NOL10: variants seen among roughly 807,000 people sequenced by gnomAD.
The protein encoded by NOL10 is H_NH0074G24.1.
In NOL10, 58 loss-of-function variants were observed where a neutral mutation model predicts 103.5. The ratio of observed to expected loss-of-function variants is 0.56; its 90% CI spans 0.45 to 0.70. The LOEUF is 0.70. Ranked by LOEUF, NOL10 falls within the 30% of genes least tolerant of loss-of-function variation. The pLI is 0.00. For synonymous variants in NOL10, 287 were observed against 282.5 expected (o/e 1.02, Z -0.16); for missense variants, 763 against 807.3 (o/e 0.95, Z 0.67).
At chr2:10,607,399 T>C (rs1676316237) in intron 13 of NOL10, 88 bp from the exon 14 acceptor site, 7 of 1,396,374 alleles carry the variant, frequency 5.0e-6, no homozygotes, top group Non-Finnish European at 4.8e-6. Context: ...TTGTTAAACA[T>C]GATTTCTAAA....
chr2:10,645,944 TACACACAC>T (rs57494359), intron 12 of NOL10, among the ~76,000 whole-genome samples: 4 of 147,590 alleles, frequency 2.7e-5, no homozygotes, highest in African/African-American at 7.4e-5. Context: ...CACACACACA[TACACACAC>T]ACACACACAC....
intron 8 of NOL10, among the ~76,000 whole-genome samples, chr2:10,665,482 A>T (rs750263039): frequency 9.2e-5 from 14 of 152,224 alleles, no homozygotes; most frequent in Non-Finnish European, 1.8e-4. Context: ...TCAATGTAAA[A>T]TGAATTTGTT....
In NOL10 at chr2:10,602,873, A is replaced by G. The variant is rs1188938760; in HGVS notation, c.1235T>C (p.Val412Ala). The G allele has an allele frequency of 6.3e-7, 1 of 1,585,836 alleles. No homozygotes were observed. The highest frequency in any genetic ancestry group is 1.8e-5 in the Admixed American group (1 of 54,994). The change falls in exon 16 of 21, where the codon GTG becomes GCG. Residue 412 changes from valine to alanine, a missense_variant and splice_region_variant. Val to Ala is a moderately conservative substitution (Grantham distance 64). Coordinates refer to ENST00000381685, the MANE Select transcript of NOL10 (RefSeq NM_024894.4). ...FFMDIRLYHK[V>A]KLMVNPFAYE... ...AGCAAATGGATTTACCATCAGTTTCACCTTTTCAAAATGAAAAAAGTTTTT... is the reference window on the plus strand; with the variant it reads ...AGCAAATGGATTTACCATCAGTTTCGCCTTTTCAAAATGAAAAAAGTTTTT...
At chr2:10,641,582 A>C (rs535731869) in intron 13 of NOL10, among the ~76,000 whole-genome samples, 1 of 152,354 alleles carries the variant, frequency 6.6e-6, no homozygotes, top group Admixed American at 6.5e-5. Context: ...TAAAATGCAG[A>C]AAATACCAAA....
intron 8 of NOL10, among the ~76,000 whole-genome samples, chr2:10,664,147 C>G (rs1004111848): frequency 6.7e-6 from 1 of 149,540 alleles, no homozygotes; most frequent in African/African-American, 2.5e-5. Flanking sequence ...AAAAACAGAA[C>G]AGGCCGGGCA....
chr2:10,577,295 G>A (rs1674502768), intron 20 of NOL10, among the ~76,000 whole-genome samples: 1 of 152,194 alleles, frequency 6.6e-6, no homozygotes, highest in African/African-American at 2.4e-5. Context: ...TACATCTTTA[G>A]AGGGTCAGGA....
intron 13 of NOL10, among the ~76,000 whole-genome samples, chr2:10,628,664 T>C (rs1162150466): frequency 1.3e-5 from 2 of 152,124 alleles, no homozygotes; most frequent in African/African-American, 2.4e-5. Context: ...GGTGTTAGAA[T>C]AGGACCAGAT....
At chr2:10,685,406 T>C (rs997946099) in intron 1 of NOL10, among the ~76,000 whole-genome samples, 1 of 138,106 alleles carries the variant, frequency 7.2e-6, no homozygotes, top group African/African-American at 2.7e-5. Context: ...GGAAGGGGAA[T>C]CACTTGAACC....
chr2:10,591,709 C>T (rs1489835657), intron 17 of NOL10, among the ~76,000 whole-genome samples: 2 of 151,882 alleles, frequency 1.3e-5, no homozygotes, highest in African/African-American at 4.8e-5. Flanking sequence ...TTCAAGACTC[C>T]CAGATGACAG....
chr2:10,646,089 C>T (rs1679055143), intron 12 of NOL10, among the ~76,000 whole-genome samples: 1 of 152,182 alleles, frequency 6.6e-6, no homozygotes, highest in African/African-American at 2.4e-5. Flanking sequence ...AATCTTTCAT[C>T]TTAGCACTTT....
At chr2:10,583,420 C>G (rs6751075) in intron 19 of NOL10, among the ~76,000 whole-genome samples, 90,023 of 152,012 alleles carry the variant, frequency 0.59, 27,678 homozygotes, top group African/African-American at 0.74. Context: ...ACACAATAAA[C>G]GCTGGTATCT....
chr2:10,680,196 G>T (rs1391445054), intron 3 of NOL10, among the ~76,000 whole-genome samples: 2 of 152,044 alleles, frequency 1.3e-5, no homozygotes, highest in African/African-American at 2.4e-5. Flanking sequence ...AGAATCGCTT[G>T]AACCCGGAAG....
intron 13 of NOL10, among the ~76,000 whole-genome samples, chr2:10,615,651 T>C (rs1676795074): frequency 2.0e-5 from 3 of 152,182 alleles, no homozygotes; most frequent in South Asian, 4.1e-4. Context: ...GAAGATGCAG[T>C]AATTTAAGAA....
At position 10,675,837 on chromosome 2, in the gene NOL10, G is replaced by C; in HGVS notation, c.246C>G (p.Thr82=). Residue 82 remains threonine, a synonymous_variant, in exon 4 of 21, where the codon ACC becomes ACG. Transcript: ENST00000381685. ...TTTCAAACTTCAAGGATAATTGATA[G>C]GTGTCATAACATCGAACCCGAGGTT... ...TYKPRVRCYD[T]YQLSLKFERC... is the part of the protein sequence containing the mutation. 6.3e-7 allele frequency: 1 copy of C among 1,581,554 alleles called. No individual in the cohort carries two copies. The highest frequency in any genetic ancestry group is 2.3e-5 in the East Asian group (1 of 44,290).
intron 3 of NOL10, among the ~76,000 whole-genome samples, chr2:10,678,346 A>G (rs1370174452): frequency 6.6e-6 from 1 of 150,774 alleles, no homozygotes; most frequent in Non-Finnish European, 1.5e-5. Context: ...GCTACTGTGT[A>G]CCCTGCTGTT....
chr2:10,682,795 C>G (rs1320770275), intron 2 of NOL10, among the ~76,000 whole-genome samples: 6 of 149,520 alleles, frequency 4.0e-5, no homozygotes, highest in African/African-American at 2.5e-5. Context: ...TCTCCAAACT[C>G]TTTTTTTTTG....
At chr2:10,582,382 G>C (rs971592840) in intron 19 of NOL10, among the ~76,000 whole-genome samples, 2 of 152,142 alleles carry the variant, frequency 1.3e-5, no homozygotes, top group Admixed American at 1.3e-4. Context: ...TTCATAAATG[G>C]AACTGAAAGG....
intron 20 of NOL10, among the ~76,000 whole-genome samples, chr2:10,573,197 T>A (rs1302681357): frequency 6.6e-6 from 1 of 152,000 alleles, no homozygotes; most frequent in African/African-American, 2.4e-5. Flanking sequence ...CTGGGATCTG[T>A]ATTTTCTTTT....
intron 16 of NOL10, among the ~76,000 whole-genome samples, chr2:10,601,913 G>A (rs1259840611): frequency 3.3e-5 from 5 of 152,208 alleles, no homozygotes; most frequent in East Asian, 1.9e-4. Context: ...GAGTATGTAC[G>A]TATACCAACG....
Sources: allele counts gnomAD v4.1 joint callset (sites outside exome capture counted in the v4.1 genomes callset), GRCh38; gene constraint gnomAD v4.1.1; transcripts MANE v1.5; gene names NCBI Gene and HGNC (gene_info 2026-07-23, HGNC 2026-07-21).